Variants in CSMD1 observed in about 807,000 individuals in gnomAD.
CSMD1 encodes CUB and Sushi multiple domains 1, also known as CUB and sushi domain-containing protein 1.
A neutral mutation model predicts 417.5 loss-of-function variants in CSMD1; 213 were observed. That is an observed-to-expected ratio of 0.51 (90% CI 0.46 to 0.57). CSMD1 has a LOEUF of 0.57. CSMD1 is among the 20% of genes least tolerant of loss of function. The pLI is 0.00. For synonymous variants in CSMD1, 2,862 were observed against 1,736.8 expected, an observed-to-expected ratio of 1.65 and a Z score of -16.11; for missense variants, 6,923 against 4,529.7, an observed-to-expected ratio of 1.53 and a Z score of -15.17.
At chr8:4,351,292 G>A (rs757256347) in intron 3 of CSMD1, among the ~76,000 whole-genome samples, 10 of 152,274 alleles carry the variant, frequency 6.6e-5, no homozygotes, top group Non-Finnish European at 1.5e-4. Flanking sequence ...TTCCTAACAA[G>A]AGATTTTTCA....
chr8:3,476,145 C>T (rs113818481), intron 11 of CSMD1, among the ~76,000 whole-genome samples: 1 of 152,192 alleles, frequency 6.6e-6, no homozygotes, highest in South Asian at 2.1e-4. Flanking sequence ...GAGTTCAAGA[C>T]TAGCCTGCGC....
chr8:3,127,892 G>GAGGAAGGAAGGA (rs1395599202), intron 41 of CSMD1: 2 of 117,626 alleles, frequency 1.7e-5, no homozygotes, highest in African/African-American at 8.4e-5. Flanking sequence ...GGGAGGGAGG[G>GAGGAAGGAAGGA]AGGAATGAAG....
intron 12 of CSMD1, among the ~76,000 whole-genome samples, chr8:3,433,234 A>G (rs902291386): frequency 2.6e-5 from 4 of 152,176 alleles, no homozygotes; most frequent in Admixed American, 1.3e-4. Flanking sequence ...ATAGAGATGT[A>G]GTTACTTTTC....
Position 4,890,937 on chromosome 8 carries a change from A to G in CSMD1, c.85+103395T>C, listed in dbSNP as rs184890458. Among the ~76,000 whole-genome samples, 288 of 152,268 alleles carry G rather than the reference A, an allele frequency of 1.9e-3. 2 individuals carry two copies. The highest frequency in any genetic ancestry group is 3.2e-3 in the Non-Finnish European group (216 of 68,032). Reference sequence around the variant, plus strand: ...GGTGCACCTGGGGAAACGCAAAGGCAGAGAATCCAAGGGAAAGTATTGGTG... The same window carrying G: ...GGTGCACCTGGGGAAACGCAAAGGCGGAGAATCCAAGGGAAAGTATTGGTG... On this transcript the variant is annotated intron_variant, in intron 1 of 69. Transcript: ENST00000635120.
chr8:4,723,065 A>C (rs75481011), intron 1 of CSMD1, among the ~76,000 whole-genome samples: 3,149 of 152,224 alleles, frequency 0.021, 87 homozygotes, highest in African/African-American at 0.064. Context: ...CTCCTTTCAA[A>C]AGTGAATAGA....
intron 10 of CSMD1, among the ~76,000 whole-genome samples, chr8:3,532,422 G>A (rs909363158): frequency 8.5e-5 from 13 of 152,154 alleles, no homozygotes; most frequent in African/African-American, 3.1e-4. Flanking sequence ...AGATGGACTT[G>A]TGGCAACTCT....
intron 6 of CSMD1, among the ~76,000 whole-genome samples, chr8:3,715,435 C>G (rs1486925541): frequency 6.6e-6 from 1 of 152,090 alleles, no homozygotes; most frequent in East Asian, 1.9e-4. Context: ...CATTTTTCTC[C>G]TCTTCTGCAT....
At position 3,923,792 on chromosome 8, in the gene CSMD1, G is replaced by C. The variant is rs147518809; in HGVS notation, c.818+74111C>G. Among the ~76,000 whole-genome samples, 64 of 152,178 alleles carry C rather than the reference G, an allele frequency of 4.2e-4. 1 individual carries two copies. Among genetic ancestry groups the C allele is most frequent in the African/African-American group, 1.4e-3 (59 of 41,520 alleles). ...TTTTCACCTTTTCACCAAGCTCATAGTTACCACTGTTCTACTCCCTGCGTC... is the reference window on the plus strand; with the variant it reads ...TTTTCACCTTTTCACCAAGCTCATACTTACCACTGTTCTACTCCCTGCGTC... On this transcript the variant is annotated intron_variant, in intron 5 of 69. Transcript: ENST00000635120.
intron 21 of CSMD1, among the ~76,000 whole-genome samples, chr8:3,357,167 C>T (rs768872867): frequency 6.6e-6 from 1 of 152,086 alleles, no homozygotes; most frequent in African/African-American, 2.4e-5. Flanking sequence ...CCCGAATGCA[C>T]CAGAGGGGCT....
intron 6 of CSMD1, among the ~76,000 whole-genome samples, chr8:3,726,409 G>T (rs1408116541): frequency 6.6e-6 from 1 of 152,190 alleles, no homozygotes; most frequent in Non-Finnish European, 1.5e-5. Flanking sequence ...TCTATAATTA[G>T]AAAGGATGGA....
chr8:4,701,857 C>A (rs925321656), intron 1 of CSMD1, among the ~76,000 whole-genome samples: 2 of 152,140 alleles, frequency 1.3e-5, no homozygotes, highest in Non-Finnish European at 2.9e-5. Context: ...CATTAAGAAT[C>A]AACAGATGCA....
At chr8:3,772,784 G>T (rs1000659183) in intron 5 of CSMD1, among the ~76,000 whole-genome samples, 2 of 151,104 alleles carry the variant, frequency 1.3e-5, no homozygotes, top group Admixed American at 6.6e-5. Context: ...GGTCTATAAA[G>T]CACCATGACA....
intron 1 of CSMD1, among the ~76,000 whole-genome samples, chr8:4,901,631 A>AT: frequency 6.6e-6 from 1 of 152,306 alleles, no homozygotes; most frequent in Non-Finnish European, 1.5e-5. Context: ...TTCATTTTTA[A>AT]TTTAAAACTA....
intron 26 of CSMD1, among the ~76,000 whole-genome samples, chr8:3,251,518 C>T (rs1392955562): frequency 1.3e-5 from 2 of 151,430 alleles, no homozygotes; most frequent in Non-Finnish European, 2.9e-5. Context: ...GCTTTGTTCT[C>T]TTGGCTTAGG....
chr8:4,945,964 T>C (rs1216236967), intron 1 of CSMD1, among the ~76,000 whole-genome samples: 1 of 152,120 alleles, frequency 6.6e-6, no homozygotes, highest in Non-Finnish European at 1.5e-5. Context: ...AAGTAGGACA[T>C]ATCAGAGGCT....
At chr8:3,954,976 A>G (rs1811842403) in intron 5 of CSMD1, among the ~76,000 whole-genome samples, 1 of 152,160 alleles carries the variant, frequency 6.6e-6, no homozygotes, top group Admixed American at 6.5e-5. Flanking sequence ...TTCAGTTAAC[A>G]TTTTGATGTT....
intron 3 of CSMD1, among the ~76,000 whole-genome samples, chr8:4,143,609 G>A (rs765382224): frequency 2.0e-5 from 3 of 151,040 alleles, no homozygotes; most frequent in Non-Finnish European, 4.4e-5. Context: ...TGATGCCCAT[G>A]GCACTCTGAG....
intron 3 of CSMD1, among the ~76,000 whole-genome samples, chr8:4,082,185 A>T (rs1461481297): frequency 1.3e-5 from 2 of 152,188 alleles, no homozygotes; most frequent in East Asian, 3.8e-4. Flanking sequence ...CGTACAAGAT[A>T]TACTGTGAAT....
chr8:4,317,560 G>C (rs1375761744), intron 3 of CSMD1, among the ~76,000 whole-genome samples: 1 of 152,148 alleles, frequency 6.6e-6, no homozygotes, highest in Non-Finnish European at 1.5e-5. Context: ...GATTTAAAGT[G>C]TCCAAGTTAA....
Sources: gnomAD v4.1 joint callset for allele counts (sites outside exome capture counted in the v4.1 genomes callset) on GRCh38, gnomAD v4.1.1 for gene constraint, MANE v1.5 for transcripts, NCBI Gene and HGNC (gene_info 2026-07-23, HGNC 2026-07-21) for gene names.